Variants in PPP6R1 observed in about 807,000 individuals in gnomAD.
The protein encoded by PPP6R1 is protein phosphatase 6 regulatory subunit 1.
In PPP6R1, 39 loss-of-function variants were observed where a neutral mutation model predicts 104.6. That is an observed-to-expected ratio of 0.37 (90% CI 0.29 to 0.49). The LOEUF (loss-of-function observed/expected upper bound fraction) is 0.49, where lower values mean the gene tolerates loss of function less well. Among genes scored for constraint, PPP6R1 ranks in the 20% least tolerant of loss-of-function variants. The probability of loss-of-function intolerance (pLI) is 0.98; values close to 1 mark genes in which losing one functional copy is unlikely to be tolerated. For missense variants in PPP6R1, 1,181 were observed against 1,155.8 expected, an observed-to-expected ratio of 1.02 and a Z score of -0.32; for synonymous variants, 549 against 479.0, an observed-to-expected ratio of 1.15 and a Z score of -1.91.
chr19:55,244,248 T>C (rs746909785), intron 5 of PPP6R1, among the ~76,000 whole-genome samples: 3 of 152,146 alleles, frequency 2.0e-5, no homozygotes, highest in Non-Finnish European at 4.4e-5. Context: ...GAGGCAGAAG[T>C]TGGCATTGGG....
intron 5 of PPP6R1, among the ~76,000 whole-genome samples, chr19:55,242,925 CAT>C (rs2122638593): frequency 6.6e-6 from 1 of 152,258 alleles, no homozygotes; most frequent in East Asian, 1.9e-4. Flanking sequence ...TCACGTAGTA[CAT>C]GATTCCAATT....
intron 11 of PPP6R1, 56 bp downstream of exon 11, chr19:55,240,180 G>A (rs1002498020): frequency 4.5e-6 from 7 of 1,563,150 alleles, no homozygotes; most frequent in Non-Finnish European, 6.1e-6. Context: ...CCCCAGCCCG[G>A]CCCCCCATCC....
In PPP6R1 at chr19:55,230,377, C is replaced by T; in HGVS notation, c.*151G>A. ...ATGGGGGTGGGTTGGGCCTGTCTCCCTGGCACCAGCCTCCTGGGGGTCCAG... is the reference window on the plus strand; with the variant it reads ...ATGGGGGTGGGTTGGGCCTGTCTCCTTGGCACCAGCCTCCTGGGGGTCCAG... On this transcript the variant is annotated 3_prime_UTR_variant, in exon 24 of 24. Coordinates refer to ENST00000412770, the MANE Select transcript of PPP6R1 (RefSeq NM_014931.4). 1 of 1,234,042 alleles carries T rather than the reference C, an allele frequency of 8.1e-7. No homozygotes were observed. Among genetic ancestry groups the T allele is most frequent in the Non-Finnish European group, 1.1e-6 (1 of 883,650 alleles). The allele number at this position is 1,234,042 out of a possible 1,614,324, so 76.4% of individuals were successfully genotyped here. A position where few individuals can be genotyped will look rare whatever the true frequency, so the allele number is the denominator to read the frequency against.
chr19:55,228,746 G>T, downstream of PPP6R1: 1 of 1,613,056 alleles, frequency 6.2e-7, no homozygotes, highest in Non-Finnish European at 8.5e-7. Context: ...GTCCATGCTG[G>T]CCTGATAGCC....
intron 15 of PPP6R1, among the ~76,000 whole-genome samples, chr19:55,238,337 G>A (rs2087417714): frequency 6.6e-6 from 1 of 152,228 alleles, no homozygotes; most frequent in Non-Finnish European, 1.5e-5. Context: ...GAGGACCTCT[G>A]TCCAGCTGTG....
intron 17 of PPP6R1, chr19:55,233,056 T>C (rs2087364379): frequency 6.6e-6 from 1 of 152,148 alleles, no homozygotes; most frequent in Admixed American, 6.5e-5. Context: ...ATGGTAAATG[T>C]TTGTGTATCT....
At chr19:55,239,296 A>T (rs961938685) in intron 15 of PPP6R1, 109 bp downstream of exon 15, 2 of 1,124,756 alleles carry the variant, frequency 1.8e-6, no homozygotes, top group Admixed American at 2.0e-5. Context: ...CCACAGCTGC[A>T]GGCTGAGCCC....
At position 55,242,486 on chromosome 19, in the gene PPP6R1, T is replaced by C; in HGVS notation, c.621A>G (p.Gln207=). The change falls in exon 6 of 24, where the codon CAA becomes CAG. Residue 207 remains glutamine, a splice_region_variant and synonymous_variant. Coordinates refer to ENST00000412770, the MANE Select transcript of PPP6R1 (RefSeq NM_014931.4). ...EQIHPSKDEN[Q]HSNASQSLCD... ...ACAGGGACTGGGATGCGTTGGAATGTTGCTGGAACGGGGAGAGACAGGTGA... is the reference window on the plus strand; with the variant it reads ...ACAGGGACTGGGATGCGTTGGAATGCTGCTGGAACGGGGAGAGACAGGTGA... 2 of 1,612,760 alleles carry C rather than the reference T, an allele frequency of 1.2e-6. No individual in the cohort carries two copies. Among genetic ancestry groups the C allele is most frequent in the South Asian group, 1.1e-5 (1 of 91,060 alleles).
chr19:55,233,069 A>C (rs1319468208), intron 17 of PPP6R1: 1 of 152,208 alleles, frequency 6.6e-6, no homozygotes, highest in African/African-American at 2.4e-5. Flanking sequence ...GTGTATCTAA[A>C]CATAGGAAAA....
At chr19:55,255,152 C>T (rs1043141565) in intron 1 of PPP6R1, among the ~76,000 whole-genome samples, 2 of 152,160 alleles carry the variant, frequency 1.3e-5, no homozygotes, top group Non-Finnish European at 2.9e-5. Flanking sequence ...AGAAGCACAC[C>T]CTCCCAAGGG....
chr19:55,231,586 A>G lies in PPP6R1; in HGVS notation c.2377+12T>C, dbSNP rs747102173. 3 of 1,608,976 alleles carry G rather than the reference A, an allele frequency of 1.9e-6. No homozygotes were observed. Among genetic ancestry groups the G allele is most frequent in the Non-Finnish European group, 8.5e-7 (1 of 1,177,846 alleles). On this transcript the variant is annotated intron_variant, in intron 20 of 23. Transcript: ENST00000412770. The stretch of plus-strand genomic sequence containing the variant: ...CCAGGGCCGCGGGTGGGCAGGGCAA[A>G]GCGGGGCTCACCTGAGGGCTCCGTG...
At chr19:55,231,044 G>T in intron 21 of PPP6R1, 160 bp from the exon 22 acceptor site, 1 of 672,640 alleles carries the variant, frequency 1.5e-6, no homozygotes, top group East Asian at 2.7e-5. Context: ...AGCGTGGAGG[G>T]ACAGCACAGC....
rs149308750 is a variant in PPP6R1, at chr19:55,238,243, C to T, written c.1751+1162G>A. ...CTTCTCCAGGGGTCTCGGCACAGGC[C>T]ACTGACCCACAAAGACCAACGCTCT... On this transcript the variant is annotated intron_variant, in intron 15 of 23. Coordinates refer to ENST00000412770, the MANE Select transcript of PPP6R1 (RefSeq NM_014931.4). Among the ~76,000 whole-genome samples, 182 of 152,294 alleles carry T rather than the reference C, an allele frequency of 1.2e-3. 2 individuals are homozygous for T. In the East Asian group the frequency reaches 0.033, roughly 28 times the overall value.
chr19:55,240,806 C>T lies in PPP6R1; in HGVS notation c.1296+139G>A, dbSNP rs2087448471. ...CGCGTTTCTCCCTGGCCATGCCTCC[C>T]ACACCCCATCTGGGCGCTGGCACCT... is the stretch of plus-strand genomic sequence containing the variant. On this transcript the variant is annotated intron_variant, in intron 10 of 23. Coordinates refer to ENST00000412770, the MANE Select transcript of PPP6R1 (RefSeq NM_014931.4). 7.9e-6 allele frequency: 10 copies of T among 1,262,980 alleles called. No individual in the cohort carries two copies. In the South Asian group the frequency reaches 1.1e-4, roughly 13 times the overall value. 78.2% of individuals were successfully genotyped at this position (1,262,980 alleles called of 1,614,324 possible). A position where few individuals can be genotyped will look rare whatever the true frequency, so the allele number is the denominator to read the frequency against.
chr19:55,229,551 CGGT>C (rs1371866908), downstream of PPP6R1: 1 of 152,242 alleles, frequency 6.6e-6, no homozygotes, highest in East Asian at 1.9e-4. Context: ...TTGAGCCTGT[CGGT>C]GGCTTCTATC....
At chr19:55,242,779 GATGA>G (rs2087470476) in intron 5 of PPP6R1, among the ~76,000 whole-genome samples, 1 of 152,220 alleles carries the variant, frequency 6.6e-6, no homozygotes, top group Admixed American at 6.5e-5. Flanking sequence ...GGCTCTGACT[GATGA>G]GTGAATATGC....
intron 11 of PPP6R1, 49 bp downstream of exon 11, chr19:55,240,187 A>AT (rs2087439244): frequency 1.2e-5 from 18 of 1,563,498 alleles, no homozygotes; most frequent in Non-Finnish European, 1.5e-5. Flanking sequence ...CCGGCCCCCC[A>AT]TCCAGGCAGC....
intron 1 of PPP6R1, among the ~76,000 whole-genome samples, chr19:55,256,723 C>T (rs923338408): frequency 2.0e-5 from 3 of 152,316 alleles, no homozygotes; most frequent in East Asian, 1.9e-4. Flanking sequence ...CATTGCAGGA[C>T]GTGCCTGTAG....
chr19:55,240,412 C>T, intron 10 of PPP6R1, 112 bp from the exon 11 acceptor site: 1 of 1,069,256 alleles, frequency 9.4e-7, no homozygotes, highest in Non-Finnish European at 1.4e-6. Context: ...GGCCCCCGCT[C>T]ATCCAGAGAC....
Sources: allele counts gnomAD v4.1 joint callset (sites outside exome capture counted in the v4.1 genomes callset), GRCh38; gene constraint gnomAD v4.1.1; transcripts MANE v1.5; gene names NCBI Gene and HGNC (gene_info 2026-07-23, HGNC 2026-07-21).